The following CD44 variants were observed in gnomAD, a reference collection of about 807,000 sequenced individuals.
CD44 encodes CD44 antigen.
CD44 carries 49 observed loss-of-function variants against 88.8 expected under a neutral mutation model. That is an observed-to-expected ratio of 0.55 (90% CI 0.44 to 0.70). The LOEUF (loss-of-function observed/expected upper bound fraction) is 0.70, where lower values mean the gene tolerates loss of function less well. Ranked by LOEUF, CD44 falls within the 30% of genes least tolerant of loss-of-function variation. The probability of loss-of-function intolerance (pLI) is 0.00; values close to 1 mark genes in which losing one functional copy is unlikely to be tolerated. For missense variants in CD44, 883 were observed against 913.8 expected (o/e 0.97, Z 0.43); for synonymous variants, 325 against 312.3 (o/e 1.04, Z -0.43).
chr11:35,180,421 G>C lies in CD44; in HGVS notation c.367+14G>C, dbSNP rs1172633693. 1.2e-6 allele frequency: 2 copies of C among 1,613,858 alleles called. No individual in the cohort carries two copies. Among genetic ancestry groups the C allele is most frequent in the African/African-American group, 1.3e-5 (1 of 74,904 alleles). Reference sequence around the variant, plus strand: ...TCAATGCTTCAGGTTGGTTCTCAGGGGGGTGTCTGTTGGCGTGAAAGGCTG... The same window carrying C: ...TCAATGCTTCAGGTTGGTTCTCAGGCGGGTGTCTGTTGGCGTGAAAGGCTG... On this transcript the variant is annotated intron_variant, in intron 3 of 17. Transcript: ENST00000428726.
Position 35,208,139 on chromosome 11 carries a change from T to A in CD44, c.1449T>A (p.Pro483=). The part of the protein sequence containing the change: ...MDSSHSITLQ[P]TANPNTGLVE... ...CCAGTCATAGTATAACGCTTCAGCC[T>A]ACTGCAAATCCAAACACAGGTTTGG... The change falls in exon 12 of 18, where the codon CCT becomes CCA. Residue 483 remains proline, a synonymous_variant. Coordinates refer to ENST00000428726, the MANE Select transcript of CD44 (RefSeq NM_000610.4). 6.2e-7 allele frequency: 1 copy of A among 1,612,046 alleles called. No homozygotes were observed. Among genetic ancestry groups the A allele is most frequent in the Non-Finnish European group, 8.5e-7 (1 of 1,178,128 alleles).
chr11:35,203,722 A>C (rs1947535861), intron 9 of CD44, among the ~76,000 whole-genome samples: 1 of 151,814 alleles, frequency 6.6e-6, no homozygotes, highest in African/African-American at 2.4e-5. Context: ...AAAAAAAAAG[A>C]AATTGCTACA....
intron 1 of CD44, among the ~76,000 whole-genome samples, chr11:35,141,906 C>T (rs766660004): frequency 1.3e-5 from 2 of 152,092 alleles, no homozygotes; most frequent in Non-Finnish European, 2.9e-5. Context: ...TCTTGTTGCC[C>T]CATTCTGGGG....
At chr11:35,151,654 C>T (rs1860348128) in intron 1 of CD44, among the ~76,000 whole-genome samples, 1 of 152,230 alleles carries the variant, frequency 6.6e-6, no homozygotes, top group African/African-American at 2.4e-5. Flanking sequence ...CCATGCATCA[C>T]ATGGACATCA....
chr11:35,180,961 C>T (rs1480137721), intron 3 of CD44, among the ~76,000 whole-genome samples: 1 of 152,144 alleles, frequency 6.6e-6, no homozygotes, highest in South Asian at 2.1e-4. Context: ...GAAAGTGCCT[C>T]CTGGACTGTT....
Position 35,196,875 on chromosome 11 carries a change from G to C in CD44, c.796+1G>C. Reference sequence around the variant, plus strand: ...CTTCACACAACAACACAAATGGCTGGTAATGAGTTATTATTATCTCATAGC... The same window carrying C: ...CTTCACACAACAACACAAATGGCTGCTAATGAGTTATTATTATCTCATAGC... On this transcript the variant is annotated splice_donor_variant, in intron 6 of 17. Transcript: ENST00000428726. LOFTEE classifies it high-confidence loss of function. 1 of 1,612,950 alleles carries C rather than the reference G, an allele frequency of 6.2e-7. No individual in the cohort carries two copies. Among genetic ancestry groups the C allele is most frequent in the Non-Finnish European group, 8.5e-7 (1 of 1,179,238 alleles).
chr11:35,182,291 G>A (rs1412838965), intron 3 of CD44, among the ~76,000 whole-genome samples: 3 of 151,872 alleles, frequency 2.0e-5, no homozygotes, highest in Non-Finnish European at 4.4e-5. Flanking sequence ...GAACAGTAGG[G>A]ATCAGAGTGG....
At chr11:35,187,200 G>A (rs1474158463) in intron 4 of CD44, among the ~76,000 whole-genome samples, 1 of 152,118 alleles carries the variant, frequency 6.6e-6, no homozygotes, top group Non-Finnish European at 1.5e-5. Context: ...CTTGAACCCA[G>A]GAGGCAGAGG....
intron 3 of CD44, among the ~76,000 whole-genome samples, chr11:35,185,133 G>A (rs1375884380): frequency 6.6e-6 from 1 of 152,176 alleles, no homozygotes; most frequent in Non-Finnish European, 1.5e-5. Context: ...TTTATATGGT[G>A]GTAAACATGA....
chr11:35,145,663 T>A (rs1859003279), intron 1 of CD44, among the ~76,000 whole-genome samples: 2 of 152,118 alleles, frequency 1.3e-5, no homozygotes, highest in South Asian at 4.1e-4. Context: ...GGGGTTCTAG[T>A]TATTTTGGAG....
chr11:35,159,987 G>C (rs1161367627), intron 1 of CD44, among the ~76,000 whole-genome samples: 3 of 152,084 alleles, frequency 2.0e-5, no homozygotes, highest in Admixed American at 2.0e-4. Flanking sequence ...AGAACTCTTG[G>C]GAGGCATCTT....
intron 1 of CD44, among the ~76,000 whole-genome samples, chr11:35,148,934 G>T (rs749433525): frequency 6.6e-6 from 1 of 151,750 alleles, no homozygotes; most frequent in Non-Finnish European, 1.5e-5. Context: ...TACTTGTAGC[G>T]ATCCTCAACC....
intron 1 of CD44, among the ~76,000 whole-genome samples, chr11:35,149,076 T>C (rs1658141345): frequency 6.6e-6 from 1 of 152,198 alleles, no homozygotes; most frequent in Non-Finnish European, 1.5e-5. Flanking sequence ...AACGGGGATC[T>C]GGATTTCCTA....
intron 17 of CD44, 24 bp from the exon 18 acceptor site, chr11:35,229,105 A>G (rs1338012113): frequency 2.5e-6 from 4 of 1,584,284 alleles, no homozygotes; most frequent in Admixed American, 1.7e-5. Context: ...TCTTTCTGAT[A>G]TGGTACATTT....
intron 17 of CD44, chr11:35,223,225 T>C: frequency 5.1e-6 from 5 of 985,324 alleles, no homozygotes; most frequent in Non-Finnish European, 6.0e-6. Context: ...TTAAATAATG[T>C]GACTTGGGGG....
At chr11:35,186,075 C>T (rs962719194) in intron 3 of CD44, among the ~76,000 whole-genome samples, 1 of 152,090 alleles carries the variant, frequency 6.6e-6, no homozygotes, top group Non-Finnish European at 1.5e-5. Context: ...CCAGAAATGC[C>T]CATGATGAGA....
At chr11:35,212,309 T>C (rs17447734) in intron 14 of CD44, among the ~76,000 whole-genome samples, 16,041 of 152,160 alleles carry the variant, frequency 0.11, 1,023 homozygotes, top group Admixed American at 0.16. Flanking sequence ...TATTCAAGAT[T>C]AGAGACTTTA....
chr11:35,208,329 AGT>A, intron 12 of CD44, 123 bp downstream of exon 12: 1 of 699,372 alleles, frequency 1.4e-6, no homozygotes, highest in Non-Finnish European at 2.6e-6. Context: ...TTCAGCCCAG[AGT>A]GTGAAACTGT....
intron 3 of CD44, among the ~76,000 whole-genome samples, chr11:35,184,387 A>G (rs1198605508): frequency 1.3e-5 from 2 of 152,200 alleles, no homozygotes; most frequent in Non-Finnish European, 2.9e-5. Flanking sequence ...ACTTGCAGTT[A>G]TATTTGAAGT....
Sources: gnomAD v4.1 joint callset for allele counts (sites outside exome capture counted in the v4.1 genomes callset) on GRCh38, gnomAD v4.1.1 for gene constraint, MANE v1.5 for transcripts, NCBI Gene and HGNC (gene_info 2026-07-23, HGNC 2026-07-21) for gene names.